The following FPGS variants were observed in gnomAD, a reference collection of about 807,000 sequenced individuals.
FPGS encodes the protein folylpolyglutamate synthase, mitochondrial.
A neutral mutation model predicts 66.5 loss-of-function variants in FPGS; 53 were observed. The ratio of observed to expected loss-of-function variants is 0.80; its 90% CI spans 0.64 to 1.00. FPGS has a LOEUF of 1.00. Among genes scored for constraint, FPGS ranks in the 50% least tolerant of loss-of-function variants. FPGS has a pLI of 0.00. For missense variants in FPGS, 702 were observed against 807.7 expected, an observed-to-expected ratio of 0.87 and a Z score of 1.59; for synonymous variants, 348 against 350.9, an observed-to-expected ratio of 0.99 and a Z score of 0.09.
Position 127,802,891 on chromosome 9 carries a change from C to T in FPGS, c.-34C>T. 2.3e-6 allele frequency: 3 copies of T among 1,297,794 alleles called. No individual in the cohort carries two copies. Among genetic ancestry groups the T allele is most frequent in the Non-Finnish European group, 2.9e-6 (3 of 1,026,044 alleles). 80.4% of individuals were successfully genotyped at this position (1,297,794 alleles called of 1,614,324 possible). A position where few individuals can be genotyped will look rare whatever the true frequency, so the allele number is the denominator to read the frequency against. The stretch of plus-strand genomic sequence containing the variant: ...GGGGGCGGGGCGGGGCGTCTCCCGC[C>T]CGGGCCTAGAGCGCTGCCGGGGGCG... On this transcript the variant is annotated 5_prime_UTR_variant, in exon 1 of 15. Coordinates refer to ENST00000373247, the MANE Select transcript of FPGS (RefSeq NM_004957.6).
At chr9:127,803,729 C>T (rs908206730) in intron 1 of FPGS, among the ~76,000 whole-genome samples, 1 of 152,110 alleles carries the variant, frequency 6.6e-6, no homozygotes, top group African/African-American at 2.4e-5. Context: ...ATAGCACCCC[C>T]ACTCCCACTT....
chr9:127,808,460 C>A, intron 9 of FPGS, 98 bp from the exon 10 acceptor site: 1 of 1,556,842 alleles, frequency 6.4e-7, no homozygotes, highest in Non-Finnish European at 8.8e-7. Flanking sequence ...CATCTCAGTT[C>A]TGGGAGCAGG....
At chr9:127,806,677 GAC>G in intron 4 of FPGS, 1 of 412,450 alleles carries the variant, frequency 2.4e-6, no homozygotes, top group South Asian at 3.1e-5. Context: ...TCAGCAGAGT[GAC>G]TGATTGGTAT....
rs945710832 is a variant in FPGS at position 127,802,984 on chromosome 9, C to T, written c.60C>T (p.Arg20=). 3.4e-6 allele frequency: 5 copies of T among 1,463,042 alleles called. No homozygotes were observed. Among genetic ancestry groups the T allele is most frequent in the Middle Eastern group, 2.4e-4 (1 of 4,182 alleles). 90.6% of individuals were successfully genotyped at this position (1,463,042 alleles called of 1,614,324 possible). A position where few individuals can be genotyped will look rare whatever the true frequency, so the allele number is the denominator to read the frequency against. The change falls in exon 1 of 15, where the codon CGC becomes CGT. Residue 20 remains arginine (R), a synonymous_variant. Coordinates refer to ENST00000373247, the MANE Select transcript of FPGS (RefSeq NM_004957.6). ...AALFLAAASA[R]GITTQVAARR... is the part of the protein sequence containing the mutation. ...TATTCCTGGCAGCGGCGTCTGCGCG[C>T]GGCATAACGACCCAGGTCGCGGCGC...
rs780651469 is a variant in FPGS, at chr9:127,807,558, G to A, written c.642-28G>A. The A allele has an allele frequency of 8.7e-6, 14 of 1,612,474 alleles. No individual in the cohort carries two copies. In the Admixed American group the frequency reaches 1.2e-4, roughly 13 times the overall value. On this transcript the variant is annotated intron_variant, in intron 7 of 14. Coordinates refer to ENST00000373247, the MANE Select transcript of FPGS (RefSeq NM_004957.6). This position sits in a 1 kb window ranked among gnomAD's most constrained non-coding sequence, Gnocchi z 5.8. ...CCTGCCGCCTGGTGGCTCAGGGCAG[G>A]GCCTCATGGCCTTTTCCTCCCCTGC...
intron 4 of FPGS, among the ~76,000 whole-genome samples, chr9:127,806,156 G>A (rs1829798509): frequency 6.6e-6 from 1 of 152,092 alleles, no homozygotes; most frequent in South Asian, 2.1e-4. Context: ...ATCACTTGAG[G>A]CCAGGAGTTC....
intron 14 of FPGS, among the ~76,000 whole-genome samples, chr9:127,812,816 T>G (rs1417903096): frequency 6.6e-6 from 1 of 152,170 alleles, no homozygotes; most frequent in Non-Finnish European, 1.5e-5. Context: ...TGTGAGCCAC[T>G]GCACCCAGCC....
At chr9:127,814,473 G>A (rs1369265024), downstream of FPGS, 1 of 152,240 alleles carries the variant, frequency 6.6e-6, no homozygotes, top group African/African-American at 2.4e-5. Context: ...GTGAAACCCC[G>A]TCTCTGCTAA....
At position 127,807,949 on chromosome 9, in the gene FPGS, T is replaced by C. The variant is rs1433949039; in HGVS notation, c.744+261T>C. 5.3e-6 allele frequency: 3 copies of C among 561,432 alleles called. No homozygotes were observed. The highest frequency in any genetic ancestry group is 9.4e-6 in the Non-Finnish European group (3 of 318,728). 34.8% of individuals were successfully genotyped at this position (561,432 alleles called of 1,614,324 possible). A position where few individuals can be genotyped will look rare whatever the true frequency, so the allele number is the denominator to read the frequency against. On this transcript the variant is annotated intron_variant, in intron 8 of 14. Transcript: ENST00000373247. The surrounding 1 kb of genome is among the most constrained non-coding windows in gnomAD (Gnocchi z 5.8). The stretch of plus-strand genomic sequence containing the variant: ...GGGGAAACTCTGTCTCTACTAAAAA[T>C]ACAAAAATTAGCCAGGTGTGGTGGT...
chr9:127,809,796 G>T lies in FPGS; in HGVS notation c.1173G>T (p.Trp391Cys). The T allele has an allele frequency of 2.0e-6, 3 of 1,522,496 alleles. No individual in the cohort carries two copies. Among genetic ancestry groups the T allele is most frequent in the Non-Finnish European group, 1.7e-6 (2 of 1,147,138 alleles). 94.3% of individuals were successfully genotyped at this position (1,522,496 alleles called of 1,614,324 possible). A position where few individuals can be genotyped will look rare whatever the true frequency, so the allele number is the denominator to read the frequency against. Residue 391 changes from tryptophan to cysteine, a missense_variant, in exon 12 of 15, where the codon TGG (tryptophan) becomes TGT (cysteine). Coordinates refer to ENST00000373247, the MANE Select transcript of FPGS (RefSeq NM_004957.6). The part of the protein sequence containing the change: ...TASSAQACVR[W>C]FRQALQGRER... ...GCAGCGCGCAGGCCTGCGTGCGCTGGTTCCGCCAGGCGCTGCAGGGCCGCG... is the reference window on the plus strand; with the variant it reads ...GCAGCGCGCAGGCCTGCGTGCGCTGTTTCCGCCAGGCGCTGCAGGGCCGCG...
intron 4 of FPGS, among the ~76,000 whole-genome samples, chr9:127,805,656 A>G (rs983253217): frequency 2.6e-5 from 4 of 152,244 alleles, no homozygotes; most frequent in African/African-American, 9.6e-5. Context: ...TTAAAATCAC[A>G]TAGAGATATT....
chr9:127,812,173 T>C (rs1830107688), intron 14 of FPGS, among the ~76,000 whole-genome samples: 1 of 152,086 alleles, frequency 6.6e-6, no homozygotes, highest in Non-Finnish European at 1.5e-5. Context: ...CGCTTGAGCC[T>C]GGAAGGTGGA....
Position 127,808,833 on chromosome 9 carries a change from T to C in FPGS, c.1004T>C (p.Leu335Pro). The C allele has an allele frequency of 1.3e-6, 2 of 1,563,446 alleles. No homozygotes were observed. Among genetic ancestry groups the C allele is most frequent in the Non-Finnish European group, 1.7e-6 (2 of 1,154,328 alleles). Residue 335 changes from leucine to proline, a missense_variant, in exon 11 of 15, where the codon CTC becomes CCC. By Grantham distance (98) the Leu-to-Pro change is moderately conservative (BLOSUM62 -3). This residue lies in a region of FPGS where 351 missense variants were observed against 363.7 expected (regional missense o/e 0.97). Transcript: ENST00000373247. ...AGEPKASRPGLLWQLPLAPVF... is the reference protein window; with the variant it reads ...AGEPKASRPGPLWQLPLAPVF... ...GAGCCAAAGGCATCCAGGCCAGGGC[T>C]CCTGTGGCAGCTGCCCCTGGCACCT...
At chr9:127,811,836 C>T (rs536637643) in intron 14 of FPGS, among the ~76,000 whole-genome samples, 3 of 152,090 alleles carry the variant, frequency 2.0e-5, no homozygotes, top group Non-Finnish European at 2.9e-5. Flanking sequence ...TACCAGTGTA[C>T]GTTGCACAGA....
chr9:127,810,011 G>C lies in FPGS; in HGVS notation c.1212-20G>C, dbSNP rs1564445689. 6.2e-7 allele frequency: 1 copy of C among 1,605,290 alleles called. No homozygotes were observed. The highest frequency in any genetic ancestry group is 1.1e-5 in the South Asian group (1 of 89,602). On this transcript the variant is annotated intron_variant, in intron 12 of 14. Coordinates refer to ENST00000373247, the MANE Select transcript of FPGS (RefSeq NM_004957.6). The stretch of plus-strand genomic sequence containing the variant: ...AGAACGGGCGGCGCCCTTTGACCCA[G>C]CTCCTCACCTCTGTCGCAGTGGCCC...
intron 1 of FPGS, 194 bp downstream of exon 1, chr9:127,803,256 G>A (rs1829677817): frequency 8.0e-7 from 1 of 1,247,710 alleles, no homozygotes; most frequent in Non-Finnish European, 1.0e-6. Flanking sequence ...CGCCGGGGCT[G>A]GGAATTCGGA....
At position 127,813,425 on chromosome 9, in the gene FPGS, C is replaced by T; in HGVS notation, c.1585C>T (p.Gln529Ter). Reference protein sequence around the residue: ...CISHALQWISQGRDPIFQPPS... With the variant: ...CISHALQWIS ...TTCACATGCCTTGCAATGGATCAGCCAAGGCCGAGACCCCATCTTCCAGCC... is the reference window on the plus strand; with the variant it reads ...TTCACATGCCTTGCAATGGATCAGCTAAGGCCGAGACCCCATCTTCCAGCC... Residue 529 changes from glutamine to a stop codon, truncating the protein, a stop_gained, in exon 15 of 15, where the codon CAA becomes TAA. Coordinates refer to ENST00000373247, the MANE Select transcript of FPGS (RefSeq NM_004957.6). LOFTEE classifies it high-confidence loss of function. The T allele has an allele frequency of 6.2e-7, 1 of 1,610,542 alleles. No individual in the cohort carries two copies. Among genetic ancestry groups the T allele is most frequent in the Non-Finnish European group, 8.5e-7 (1 of 1,178,112 alleles).
rs138533799 is a variant in FPGS at position 127,813,556 on chromosome 9, C to T, written c.1716C>T (p.His572=). ...AIHVLVTGSL[H]LVGGVLKLLE... is the part of the protein sequence containing the mutation. ...ATGTGCTAGTCACTGGCAGCCTGCA[C>T]CTGGTGGGTGGTGTCCTGAAGCTGC... Residue 572 remains histidine (H), a synonymous_variant, in exon 15 of 15, where the codon CAC becomes CAT. Transcript: ENST00000373247. 1.3e-4 allele frequency: 204 copies of T among 1,592,448 alleles called. 1 individual carries two copies. In the African/African-American group the frequency reaches 2.2e-3, roughly 17 times the overall value.
At chr9:127,802,880 G>A (rs1829652548), upstream of FPGS, 3 of 1,288,508 alleles carry the variant, frequency 2.3e-6, no homozygotes, top group African/African-American at 1.6e-5. Context: ...GCGGGGCGGG[G>A]CGTCTCCCGC....
Sources: allele counts gnomAD v4.1 joint callset (sites outside exome capture counted in the v4.1 genomes callset), GRCh38; gene constraint gnomAD v4.1.1; regional missense constraint gnomAD v4.1.1; non-coding constraint Gnocchi (gnomAD v3.1); transcripts MANE v1.5; gene names NCBI Gene and HGNC (gene_info 2026-07-23, HGNC 2026-07-21).